The following KANSL1L variants were observed in gnomAD, a reference collection of about 807,000 sequenced individuals.
The protein encoded by KANSL1L is KAT8 regulatory NSL complex subunit 1-like protein.
A neutral mutation model predicts 108.6 loss-of-function variants in KANSL1L; 25 were observed. The observed-to-expected ratio is 0.23, with a 90% CI of 0.17 to 0.32. The LOEUF (loss-of-function observed/expected upper bound fraction) is 0.32, where lower values mean the gene tolerates loss of function less well. KANSL1L is among the 10% of genes least tolerant of loss of function. The pLI is 1.00. For synonymous variants in KANSL1L, 405 were observed against 395.1 expected (o/e 1.03, Z -0.30); for missense variants, 1,137 against 1,125.7 (o/e 1.01, Z -0.14).
At chr2:210,126,361 CTT>C (rs2095065626) in intron 3 of KANSL1L, among the ~76,000 whole-genome samples, 1 of 152,104 alleles carries the variant, frequency 6.6e-6, no homozygotes, top group African/African-American at 2.4e-5. Flanking sequence ...GATTGGAAGA[CTT>C]AATGTTGTTA....
intron 2 of KANSL1L, chr2:210,151,402 A>C (rs1475575449): frequency 1.3e-5 from 2 of 152,218 alleles, no homozygotes; most frequent in Non-Finnish European, 2.9e-5. Flanking sequence ...AAATTTACTG[A>C]ATGTGCCCAC....
chr2:210,061,407 G>A (rs895062828), intron 6 of KANSL1L, among the ~76,000 whole-genome samples: 1 of 152,246 alleles, frequency 6.6e-6, no homozygotes, highest in South Asian at 2.1e-4. Context: ...AGGGCCTAAC[G>A]TTGCACAGCA....
At position 210,165,928 on chromosome 2, in the gene KANSL1L, T is replaced by C. The variant is rs528341043; in HGVS notation, c.-30+5221A>G. ...GAAGAGCACATTCACATAACTTTTATGTATAGTTATAACTGTTCTACTACT... is the reference window on the plus strand; with the variant it reads ...GAAGAGCACATTCACATAACTTTTACGTATAGTTATAACTGTTCTACTACT... On this transcript the variant is annotated intron_variant, in intron 1 of 14. Coordinates refer to ENST00000281772, the MANE Select transcript of KANSL1L (RefSeq NM_152519.4). 4.0e-4 allele frequency among the ~76,000 whole-genome samples: 61 copies of C among 152,312 alleles called. No individual in the cohort carries two copies. The South Asian group carries it at 0.013, about 32-fold the overall frequency.
At chr2:210,071,440 G>T (rs1347221254) in intron 6 of KANSL1L, among the ~76,000 whole-genome samples, 2 of 151,724 alleles carry the variant, frequency 1.3e-5, no homozygotes, top group Non-Finnish European at 2.9e-5. Context: ...GCTAATTTTT[G>T]TATTTTTTAG....
intron 5 of KANSL1L, chr2:210,096,945 A>G (rs1285164983): frequency 3.6e-6 from 1 of 275,636 alleles, no homozygotes; most frequent in Non-Finnish European, 5.5e-6. Flanking sequence ...TTTATTATTT[A>G]TTTATTTATT....
At chr2:210,139,683 G>C (rs938618300) in intron 2 of KANSL1L, among the ~76,000 whole-genome samples, 1 of 151,196 alleles carries the variant, frequency 6.6e-6, no homozygotes, top group Non-Finnish European at 1.5e-5. Flanking sequence ...CTATGTGTTG[G>C]CCATTTGTAT....
intron 3 of KANSL1L, among the ~76,000 whole-genome samples, chr2:210,111,864 C>G: frequency 6.6e-6 from 1 of 151,870 alleles, no homozygotes; most frequent in Admixed American, 6.6e-5. Flanking sequence ...GGTATACCTC[C>G]TAAAGCTCTC....
intron 12 of KANSL1L, among the ~76,000 whole-genome samples, chr2:210,025,839 T>C (rs954546142): frequency 6.6e-6 from 1 of 152,136 alleles, no homozygotes; most frequent in Non-Finnish European, 1.5e-5. Context: ...CTCAAAAAAC[T>C]TAAAAATACT....
At chr2:210,062,711 T>G (rs2094432390) in intron 6 of KANSL1L, among the ~76,000 whole-genome samples, 1 of 152,116 alleles carries the variant, frequency 6.6e-6, no homozygotes, top group Non-Finnish European at 1.5e-5. Context: ...CTATAGAACT[T>G]TGAACTTGAG....
At chr2:210,033,284 A>T (rs1401124280) in intron 8 of KANSL1L, among the ~76,000 whole-genome samples, 1 of 152,252 alleles carries the variant, frequency 6.6e-6, no homozygotes, top group Admixed American at 6.5e-5. Context: ...AGTTATTAAT[A>T]CAAGAAAACA....
intron 3 of KANSL1L, among the ~76,000 whole-genome samples, chr2:210,119,295 C>G (rs2094990792): frequency 6.6e-6 from 1 of 152,068 alleles, no homozygotes; most frequent in Admixed American, 6.6e-5. Context: ...TCTAACTAGT[C>G]TGAAAAATAG....
At chr2:210,045,014 C>T (rs1349747021) in intron 6 of KANSL1L, among the ~76,000 whole-genome samples, 1 of 152,128 alleles carries the variant, frequency 6.6e-6, no homozygotes, top group Non-Finnish European at 1.5e-5. Context: ...AGTGATTCAG[C>T]CTGCCTCCAT....
At chr2:210,160,212 A>T (rs138274248) in intron 1 of KANSL1L, among the ~76,000 whole-genome samples, 4 of 152,236 alleles carry the variant, frequency 2.6e-5, no homozygotes, top group Non-Finnish European at 4.4e-5. Flanking sequence ...ATGTACACAA[A>T]TGCCTATAGC....
chr2:210,108,690 C>T (rs1035632936), intron 3 of KANSL1L, among the ~76,000 whole-genome samples: 22 of 152,162 alleles, frequency 1.4e-4, no homozygotes, highest in African/African-American at 4.1e-4. Flanking sequence ...GATCTTGAAA[C>T]GACTGGGTAA....
intron 2 of KANSL1L, among the ~76,000 whole-genome samples, chr2:210,137,196 A>T (rs1406348320): frequency 6.6e-6 from 1 of 152,230 alleles, no homozygotes; most frequent in Non-Finnish European, 1.5e-5. Flanking sequence ...ATTTCTTTTT[A>T]ACACAAGCAA....
At chr2:210,049,535 G>A (rs2125220641) in intron 6 of KANSL1L, among the ~76,000 whole-genome samples, 1 of 152,168 alleles carries the variant, frequency 6.6e-6, no homozygotes, top group East Asian at 1.9e-4. Flanking sequence ...GGCTGAGGTG[G>A]GAGGATCACT....
At chr2:210,146,022 ATCC>A (rs2095263334) in intron 2 of KANSL1L, among the ~76,000 whole-genome samples, 1 of 152,016 alleles carries the variant, frequency 6.6e-6, no homozygotes, top group Admixed American at 6.6e-5. Flanking sequence ...GTGCAACCAC[ATCC>A]TCCTCTTTGG....
At chr2:210,079,662 A>ATG (rs2094572147) in intron 5 of KANSL1L, 3 of 12,684 alleles carry the variant, frequency 2.4e-4, no homozygotes, top group Non-Finnish European at 5.0e-4. Context: ...ATATATATAT[A>ATG]TATGTATGTG....
intron 7 of KANSL1L, among the ~76,000 whole-genome samples, chr2:210,043,018 A>G (rs1575403446): frequency 1.3e-5 from 2 of 152,180 alleles, no homozygotes; most frequent in African/African-American, 4.8e-5. Context: ...GAGATAACCA[A>G]TGTGAGGGAT....
Sources: allele counts gnomAD v4.1 joint callset (sites outside exome capture counted in the v4.1 genomes callset), GRCh38; gene constraint gnomAD v4.1.1; transcripts MANE v1.5; gene names NCBI Gene and HGNC (gene_info 2026-07-23, HGNC 2026-07-21).